The following GALNT17 variants were observed in gnomAD, a reference collection of about 807,000 sequenced individuals.
GALNT17 encodes UDP-GalNAc:polypeptide N-acetylgalactosaminyltransferase-like 3.
Under a neutral mutation model 63.7 loss-of-function variants are expected in GALNT17, and 29 were observed. That is an observed-to-expected ratio of 0.46 (90% CI 0.34 to 0.62). GALNT17 has a LOEUF of 0.62. Among genes scored for constraint, GALNT17 ranks in the 20% least tolerant of loss-of-function variants. GALNT17 has a pLI of 0.01. For synonymous variants in GALNT17, 305 were observed against 318.3 expected (o/e 0.96, Z 0.45); for missense variants, 603 against 799.6 (o/e 0.75, Z 2.97).
chr7:71,642,851 C>T (rs956351884), intron 6 of GALNT17, among the ~76,000 whole-genome samples: 2 of 151,992 alleles, frequency 1.3e-5, no homozygotes, highest in African/African-American at 2.4e-5. Context: ...AAAAATGAAC[C>T]TCTTCTAGAT....
chr7:71,622,828 T>C (rs1451602124), intron 6 of GALNT17, among the ~76,000 whole-genome samples: 1 of 152,190 alleles, frequency 6.6e-6, no homozygotes, highest in Non-Finnish European at 1.5e-5. Context: ...TTGGCAATAG[T>C]GCTCTTGGTA....
chr7:71,591,820 G>A (rs1456666613), intron 6 of GALNT17, among the ~76,000 whole-genome samples: 2 of 151,704 alleles, frequency 1.3e-5, no homozygotes, highest in Non-Finnish European at 2.9e-5. Flanking sequence ...ATGCCACCAC[G>A]CCCAGCTAAT....
chr7:71,143,517 A>G (rs1476494411), intron 1 of GALNT17, among the ~76,000 whole-genome samples: 2 of 151,766 alleles, frequency 1.3e-5, no homozygotes, highest in Non-Finnish European at 2.9e-5. Flanking sequence ...TGAGCAGAAG[A>G]GTGTGTGGGG....
Position 71,156,814 on chromosome 7 carries a change from G to A in GALNT17, c.238+23774G>A, listed in dbSNP as rs1475371918. On this transcript the variant is annotated intron_variant, in intron 1 of 10. Coordinates refer to ENST00000333538, the MANE Select transcript of GALNT17 (RefSeq NM_022479.3). ...AGCTCACTGCAGACTCCAATCCCTG[G>A]GCTCAAGTGATCCTCCTGCCTCAGC... is the stretch of plus-strand genomic sequence containing the variant. 3.3e-5 allele frequency among the ~76,000 whole-genome samples: 5 copies of A among 151,434 alleles called. No homozygotes were observed. The East Asian group carries it at 9.7e-4, about 29-fold the overall frequency.
At chr7:71,436,390 A>G (rs933212347) in intron 5 of GALNT17, among the ~76,000 whole-genome samples, 1 of 152,106 alleles carries the variant, frequency 6.6e-6, no homozygotes, top group Admixed American at 6.5e-5. Flanking sequence ...TGTTCTATGG[A>G]GGACACTCTT....
intron 1 of GALNT17, among the ~76,000 whole-genome samples, chr7:71,333,914 A>T (rs181377900): frequency 2.0e-5 from 3 of 152,334 alleles, no homozygotes; most frequent in African/African-American, 7.2e-5. Flanking sequence ...TGTACTCAAC[A>T]TGGGAAGAAT....
chr7:71,473,508 C>T (rs1425596536), intron 5 of GALNT17, among the ~76,000 whole-genome samples: 6 of 152,116 alleles, frequency 3.9e-5, no homozygotes, highest in Admixed American at 1.3e-4. Flanking sequence ...AGTCAGGTTG[C>T]AATTTGGTAT....
intron 6 of GALNT17, among the ~76,000 whole-genome samples, chr7:71,648,797 G>A (rs572628393): frequency 1.2e-4 from 19 of 152,228 alleles, no homozygotes; most frequent in Non-Finnish European, 1.9e-4. Context: ...CTAGGCAACC[G>A]TGAGACCTAG....
At chr7:71,286,228 A>T (rs1790870296) in intron 1 of GALNT17, among the ~76,000 whole-genome samples, 1 of 152,226 alleles carries the variant, frequency 6.6e-6, no homozygotes, top group South Asian at 2.1e-4. Flanking sequence ...CTTAAGCCTC[A>T]ATAGCTTCAC....
chr7:71,247,693 G>C (rs1057154108), intron 1 of GALNT17, among the ~76,000 whole-genome samples: 1 of 152,092 alleles, frequency 6.6e-6, no homozygotes, highest in Admixed American at 6.5e-5. Context: ...CTGACCTCAG[G>C]TGATCCACCC....
intron 6 of GALNT17, among the ~76,000 whole-genome samples, chr7:71,583,442 G>A (rs945468816): frequency 6.6e-6 from 1 of 152,112 alleles, no homozygotes; most frequent in Non-Finnish European, 1.5e-5. Context: ...TCAGGCCCCC[G>A]TAGCCCCTCC....
intron 8 of GALNT17, among the ~76,000 whole-genome samples, chr7:71,673,027 CAA>C (rs1396935144): frequency 6.6e-6 from 1 of 151,282 alleles, no homozygotes; most frequent in Non-Finnish European, 1.5e-5. Flanking sequence ...CGCAAATGAA[CAA>C]AGATTCATTT....
At chr7:71,283,178 T>C (rs1354974258) in intron 1 of GALNT17, among the ~76,000 whole-genome samples, 3 of 151,822 alleles carry the variant, frequency 2.0e-5, no homozygotes, top group Non-Finnish European at 4.4e-5. Context: ...GGACTGTAGG[T>C]GTGGGCCACC....
chr7:71,134,042 A>G (rs1585827274), intron 1 of GALNT17, among the ~76,000 whole-genome samples: 1 of 152,354 alleles, frequency 6.6e-6, no homozygotes, highest in Middle Eastern at 3.4e-3. Flanking sequence ...TTACAAGTAC[A>G]TTATCTCACT....
chr7:71,326,781 A>G (rs765805788), intron 1 of GALNT17, among the ~76,000 whole-genome samples: 4 of 152,064 alleles, frequency 2.6e-5, no homozygotes, highest in Non-Finnish European at 5.9e-5. Flanking sequence ...CTCGTGACTC[A>G]TTTCCTTATC....
chr7:71,223,636 C>T (rs10259041), intron 1 of GALNT17, among the ~76,000 whole-genome samples: 2,257 of 152,212 alleles, frequency 0.015, 50 homozygotes, highest in African/African-American at 0.052. Flanking sequence ...GCTTGTCGTA[C>T]AGATTATTCC....
At chr7:71,545,510 C>T (rs1207447580) in intron 5 of GALNT17, among the ~76,000 whole-genome samples, 1 of 152,084 alleles carries the variant, frequency 6.6e-6, no homozygotes. Context: ...TGCCACCACG[C>T]CTGGCTAATT....
At chr7:71,574,541 G>A (rs117513030) in intron 6 of GALNT17, among the ~76,000 whole-genome samples, 2,657 of 152,282 alleles carry the variant, frequency 0.017, 26 homozygotes, top group Middle Eastern at 0.068. Context: ...AGGTGATCTT[G>A]ACATAAGCCT....
chr7:71,346,372 C>T (rs1792096245), intron 2 of GALNT17, among the ~76,000 whole-genome samples: 1 of 152,130 alleles, frequency 6.6e-6, no homozygotes, highest in African/African-American at 2.4e-5. Context: ...CCCTGAATCA[C>T]TAACCACAAT....
Sources: gnomAD v4.1 joint callset for allele counts (sites outside exome capture counted in the v4.1 genomes callset) on GRCh38, gnomAD v4.1.1 for gene constraint, MANE v1.5 for transcripts, NCBI Gene and HGNC (gene_info 2026-07-23, HGNC 2026-07-21) for gene names.